The following TMEM50B variants were observed in gnomAD, a reference collection of about 807,000 sequenced individuals.
The protein encoded by TMEM50B is transmembrane protein 50B.
TMEM50B carries 14 observed loss-of-function variants against 23.4 expected under a neutral mutation model. The observed-to-expected ratio is 0.60, with a 90% CI of 0.39 to 0.93. TMEM50B has a LOEUF of 0.93. TMEM50B is among the 40% of genes least tolerant of loss of function. The probability of loss-of-function intolerance (pLI) is 0.00; values close to 1 mark genes in which losing one functional copy is unlikely to be tolerated. For missense variants in TMEM50B, 159 were observed against 193.0 expected (o/e 0.82, Z 1.04); for synonymous variants, 64 against 62.3 (o/e 1.03, Z -0.13).
At chr21:33,467,832 C>G (rs991499816) in intron 2 of TMEM50B, among the ~76,000 whole-genome samples, 1 of 152,110 alleles carries the variant, frequency 6.6e-6, no homozygotes, top group African/African-American at 2.4e-5. Context: ...AGGTGTAGAA[C>G]TGTACATTGA....
chr21:33,461,588 G>A (rs1438912547), intron 4 of TMEM50B, among the ~76,000 whole-genome samples: 3 of 152,118 alleles, frequency 2.0e-5, no homozygotes, highest in Non-Finnish European at 4.4e-5. Flanking sequence ...CTAATTGCCT[G>A]AGCTCAGGAG....
At chr21:33,475,490 G>A (rs1454091948) in intron 1 of TMEM50B, among the ~76,000 whole-genome samples, 2 of 151,968 alleles carry the variant, frequency 1.3e-5, no homozygotes, top group Non-Finnish European at 2.9e-5. Flanking sequence ...GGGATTACAG[G>A]GGCCCATCAC....
downstream of TMEM50B, among the ~76,000 whole-genome samples, chr21:33,448,184 C>A (rs566445738): frequency 6.6e-5 from 10 of 151,776 alleles, no homozygotes; most frequent in South Asian, 2.1e-3. Flanking sequence ...TAGTACAGAC[C>A]GGGTTTCAGT....
rs371301100 is a variant in TMEM50B, at chr21:33,467,086, C to G, written c.136G>C (p.Val46Leu). The G allele has an allele frequency of 6.2e-6, 10 of 1,614,080 alleles. No individual in the cohort carries two copies. In the African/African-American group the frequency reaches 1.3e-4, roughly 22 times the overall value. ...TGWWIMIDAA[V>L]VYPKPEQLNH... The stretch of plus-strand genomic sequence containing the variant: ...AACTGTTCTGGCTTAGGATACACCA[C>G]AGCTGCATCAATCATTATCCACCAG... The change falls in exon 3 of 7, where the codon GTG becomes CTG. Residue 46 changes from valine to leucine, a missense_variant. Val to Leu is a conservative substitution (Grantham distance 32). Coordinates refer to ENST00000542230, the MANE Select transcript of TMEM50B (RefSeq NM_006134.7).
chr21:33,449,920 TTTATTTGATCATGTA>T lies in TMEM50B; in HGVS notation c.*883_*897del, dbSNP rs1174154194. On this transcript the variant is annotated 3_prime_UTR_variant, in exon 7 of 7. Transcript: ENST00000542230. Reference sequence around the variant, plus strand: ...TTTACAGTAACCATAAAAAACTGAGTTTATTTGATCATGTATTATCCCTTCTCACATAAAGTCATA... The same window carrying T: ...TTTACAGTAACCATAAAAAACTGAGTTTATCCCTTCTCACATAAAGTCATA... 1 of 152,610 alleles carries T rather than the reference TTTATTTGATCATGTA, an allele frequency of 6.6e-6. No individual in the cohort carries two copies. Among genetic ancestry groups the T allele is most frequent in the Non-Finnish European group, 1.5e-5 (1 of 68,032 alleles). The allele number at this position is 152,610 out of a possible 1,614,324, so 9.5% of individuals were successfully genotyped here.
intron 4 of TMEM50B, among the ~76,000 whole-genome samples, chr21:33,464,573 A>C (rs531957443): frequency 7.1e-4 from 105 of 147,914 alleles, no homozygotes; most frequent in African/African-American, 2.5e-3. Flanking sequence ...TGGGAGGCCA[A>C]GGTGGGTGGA....
chr21:33,473,928 G>A (rs996876489), intron 1 of TMEM50B, among the ~76,000 whole-genome samples: 4 of 152,116 alleles, frequency 2.6e-5, no homozygotes, highest in Non-Finnish European at 5.9e-5. Flanking sequence ...AAAGACAGAA[G>A]ACCATATATT....
intron 8 of TMEM50B, among the ~76,000 whole-genome samples, chr21:33,433,077 G>C (rs1198460417): frequency 1.3e-5 from 2 of 152,046 alleles, no homozygotes; most frequent in Non-Finnish European, 2.9e-5. Context: ...GTAGAAACAG[G>C]GTTTTGCTAT....
At chr21:33,436,349 T>C (rs2083950996) in intron 8 of TMEM50B, among the ~76,000 whole-genome samples, 2 of 151,904 alleles carry the variant, frequency 1.3e-5, no homozygotes, top group South Asian at 2.1e-4. Flanking sequence ...AATTGTTTCA[T>C]TGTTGAATAA....
intron 4 of TMEM50B, chr21:33,465,065 T>TA (rs758565957): frequency 5.6e-4 from 176 of 317,112 alleles, no homozygotes; most frequent in Admixed American, 1.7e-3. Context: ...ATTGGGATAA[T>TA]AATAAATCCA....
downstream of TMEM50B, among the ~76,000 whole-genome samples, chr21:33,444,494 G>A (rs189138341): frequency 3.3e-4 from 50 of 151,734 alleles, no homozygotes; most frequent in African/African-American, 1.1e-3. Flanking sequence ...GCAGTGAGCC[G>A]AGCTCACACC....
At chr21:33,476,292 A>C (rs2084369354) in intron 1 of TMEM50B, among the ~76,000 whole-genome samples, 1 of 152,020 alleles carries the variant, frequency 6.6e-6, no homozygotes, top group Non-Finnish European at 1.5e-5. Flanking sequence ...CTGAGGCAGG[A>C]GAATTGCTTG....
downstream of TMEM50B, among the ~76,000 whole-genome samples, chr21:33,445,988 C>A (rs1314990146): frequency 1.3e-5 from 2 of 152,114 alleles, no homozygotes; most frequent in Non-Finnish European, 2.9e-5. Flanking sequence ...CCATAGGCCT[C>A]CGAGAATCCC....
intron 5 of TMEM50B, among the ~76,000 whole-genome samples, chr21:33,459,944 A>G (rs1487845906): frequency 1.3e-5 from 2 of 152,208 alleles, no homozygotes; most frequent in African/African-American, 4.8e-5. Flanking sequence ...ACATTTGAAT[A>G]CTTACACTAA....
chr21:33,432,783 G>A lies in TMEM50B; in HGVS notation c.*2140C>T, dbSNP rs2083902242. 6.2e-7 allele frequency: 1 copy of A among 1,614,016 alleles called. No individual in the cohort carries two copies. Among genetic ancestry groups the A allele is most frequent in the Non-Finnish European group, 8.5e-7 (1 of 1,179,952 alleles). ...TTTTCGTTGCTGTCGGTGCTGGCAG[G>A]AGCCTGTTTCTTCCTGGTCCTGAAA... On this transcript the variant is annotated 3_prime_UTR_variant and NMD_transcript_variant, in exon 9 of 9. Coordinates refer to the TMEM50B transcript ENST00000420455.
intron 5 of TMEM50B, among the ~76,000 whole-genome samples, chr21:33,459,571 G>C (rs965053852): frequency 1.3e-5 from 2 of 150,766 alleles, no homozygotes; most frequent in African/African-American, 4.9e-5. Flanking sequence ...GGGAGGCTGA[G>C]ACAGGCAAAT....
rs182492113 is a variant in TMEM50B, at chr21:33,455,645, T to G, written c.431+82A>C. The G allele has an allele frequency of 9.0e-3, 10,317 of 1,147,350 alleles. 115 individuals carry two copies. Among genetic ancestry groups the G allele is most frequent in the South Asian group, 0.034 (2,721 of 80,156 alleles). The allele number at this position is 1,147,350 out of a possible 1,614,324, so 71.1% of individuals were successfully genotyped here. On this transcript the variant is annotated intron_variant, in intron 6 of 6. Coordinates refer to ENST00000542230, the MANE Select transcript of TMEM50B (RefSeq NM_006134.7). ...TTGTAACCAATCCATGGGATTTATA[T>G]GTGTTCCATATATATGCTGCCTTAA...
intron 1 of TMEM50B, chr21:33,479,166 G>C (rs1189540641): frequency 2.1e-5 from 4 of 190,446 alleles, no homozygotes; most frequent in African/African-American, 9.5e-5. Flanking sequence ...CAGCCTATTG[G>C]CTAAAAACCG....
chr21:33,469,968 G>A (rs1021513535), intron 1 of TMEM50B, among the ~76,000 whole-genome samples: 4 of 152,094 alleles, frequency 2.6e-5, no homozygotes, highest in Non-Finnish European at 4.4e-5. Context: ...AATCTGTAAC[G>A]CAGTAAGACA....
Sources: allele counts gnomAD v4.1 joint callset (sites outside exome capture counted in the v4.1 genomes callset), GRCh38; gene constraint gnomAD v4.1.1; transcripts MANE v1.5; gene names NCBI Gene and HGNC (gene_info 2026-07-23, HGNC 2026-07-21).